MYO16: variants seen among roughly 807,000 people sequenced by gnomAD.
MYO16 encodes unconventional myosin-XVI.
A neutral mutation model predicts 205.3 loss-of-function variants in MYO16; 94 were observed. The observed-to-expected ratio is 0.46, with a 90% confidence interval of 0.39 to 0.54. MYO16 has a LOEUF of 0.54. MYO16 is among the 20% of genes least tolerant of loss of function. MYO16 has a pLI of 0.00. For synonymous variants in MYO16, 988 were observed against 954.0 expected, an observed-to-expected ratio of 1.04 and a Z score of -0.66; for missense variants, 2,315 against 2,387.5, an observed-to-expected ratio of 0.97 and a Z score of 0.63.
At chr13:108,644,608 A>G (rs1161454721) in intron 1 of MYO16, among the ~76,000 whole-genome samples, 1 of 152,370 alleles carries the variant, frequency 6.6e-6, no homozygotes. Flanking sequence ...TCAAGCTCCA[A>G]ATTTTAATTA....
At chr13:108,644,146 G>T (rs1880632109) in intron 1 of MYO16, among the ~76,000 whole-genome samples, 1 of 152,156 alleles carries the variant, frequency 6.6e-6, no homozygotes, top group Non-Finnish European at 1.5e-5. Flanking sequence ...GAGACGGGGA[G>T]AAATTCCTGA....
At position 108,844,419 on chromosome 13, in the gene MYO16, G is replaced by T. The variant is rs760195677; in HGVS notation, c.1174G>T (p.Gly392Cys). Residue 392 changes from glycine to cysteine, a missense_variant, in exon 10 of 35, where the codon GGT becomes TGT. Transcript: ENST00000457511. ...CATTATGTTCAAAGATGCAACAAAA[G>T]GTCTGTGTAAGCAGCAGTCTCAGGA... ...KDIMFKDATKGLCKQQSQDSI... is the reference protein window; with the variant it reads ...KDIMFKDATKCLCKQQSQDSI... 1 of 1,613,308 alleles carries T rather than the reference G, an allele frequency of 6.2e-7. No individual in the cohort carries two copies. Among genetic ancestry groups the T allele is most frequent in the Non-Finnish European group, 8.5e-7 (1 of 1,179,428 alleles).
At chr13:109,109,948 A>G (rs1889234306) in intron 28 of MYO16, among the ~76,000 whole-genome samples, 1 of 152,226 alleles carries the variant, frequency 6.6e-6, no homozygotes, top group Non-Finnish European at 1.5e-5. Context: ...ATAAAAAACC[A>G]TGGTATCATG....
intron 9 of MYO16, among the ~76,000 whole-genome samples, chr13:108,843,409 C>G (rs1393140856): frequency 6.6e-6 from 1 of 151,980 alleles, no homozygotes; most frequent in African/African-American, 2.4e-5. Context: ...GTTATTTTGC[C>G]TATGCAACTA....
At chr13:108,730,184 T>A (rs553764037) in intron 4 of MYO16, among the ~76,000 whole-genome samples, 4 of 152,218 alleles carry the variant, frequency 2.6e-5, no homozygotes, top group Non-Finnish European at 5.9e-5. Flanking sequence ...AGGCGTGGTT[T>A]CCCCCATGCT....
In MYO16 at chr13:109,150,251, A is replaced by G. The variant is rs150176574; in HGVS notation, c.5164+8875A>G. ...GCAAAAATCCATTCCTTTCTCAATTATGTGTACGTAGAAACCGACATCGGT... is the reference window on the plus strand; with the variant it reads ...GCAAAAATCCATTCCTTTCTCAATTGTGTGTACGTAGAAACCGACATCGGT... On this transcript the variant is annotated intron_variant, in intron 32 of 34. Transcript: ENST00000457511. Among the ~76,000 whole-genome samples the G allele has an allele frequency of 1.8e-4, 28 of 152,302 alleles. No homozygotes were observed. In the Middle Eastern group the frequency reaches 0.01, roughly 56 times the overall value.
At position 108,864,997 on chromosome 13, in the gene MYO16, T is replaced by A. The variant is rs189290312; in HGVS notation, c.1360-1180T>A. Among the ~76,000 whole-genome samples the A allele has an allele frequency of 3.9e-3, 590 of 152,156 alleles. 2 individuals are homozygous for A. Among genetic ancestry groups the A allele is most frequent in the African/African-American group, 0.012 (486 of 41,510 alleles). The stretch of plus-strand genomic sequence containing the variant: ...AACACCAGTATAATATTCTTTTTTT[T>A]AAAAAAAGGGAAAGCATTTATTCGG... On this transcript the variant is annotated intron_variant, in intron 11 of 34. Coordinates refer to ENST00000457511, the MANE Select transcript of MYO16 (RefSeq NM_001198950.3).
chr13:109,072,238 A>C (rs1261010266), intron 27 of MYO16, among the ~76,000 whole-genome samples: 1 of 152,146 alleles, frequency 6.6e-6, no homozygotes, highest in Non-Finnish European at 1.5e-5. Flanking sequence ...CGATGTTATA[A>C]AGTAACTTGG....
chr13:108,848,960 G>A (rs7982866), intron 10 of MYO16, among the ~76,000 whole-genome samples: 95,276 of 151,942 alleles, frequency 0.63, 30,458 homozygotes, highest in Middle Eastern at 0.67. Flanking sequence ...GCACATGTGT[G>A]CACGAGCACA....
intron 11 of MYO16, among the ~76,000 whole-genome samples, chr13:108,856,554 C>T (rs1427841855): frequency 6.6e-6 from 1 of 152,114 alleles, no homozygotes; most frequent in Non-Finnish European, 1.5e-5. Flanking sequence ...GAGCTGATTA[C>T]TTTGGTCTCT....
At chr13:109,139,688 G>A (rs1267303490) in intron 31 of MYO16, among the ~76,000 whole-genome samples, 3 of 142,908 alleles carry the variant, frequency 2.1e-5, no homozygotes, top group African/African-American at 7.4e-5. Context: ...TGAAAGGGTC[G>A]TAATAGATAG....
chr13:108,517,742 T>C, the MYO16 span, among the ~76,000 whole-genome samples: 1 of 152,232 alleles, frequency 6.6e-6, no homozygotes, highest in South Asian at 2.1e-4. Context: ...TTGTTTGTTA[T>C]TATTGTTTGC....
chr13:108,832,633 A>G (rs572396496), intron 9 of MYO16, among the ~76,000 whole-genome samples: 1 of 152,182 alleles, frequency 6.6e-6, no homozygotes, highest in Non-Finnish European at 1.5e-5. Flanking sequence ...TCGCAGAATC[A>G]GAAAACTGTG....
Position 109,171,007 on chromosome 13 carries a change from A to G in MYO16, c.5323+5948A>G, listed in dbSNP as rs374717428. The stretch of plus-strand genomic sequence containing the variant: ...GAAAATTATTTCAATTGGAAATTCA[A>G]TCTTTCAAAGCAACTTGACACATTT... On this transcript the variant is annotated intron_variant, in intron 33 of 34. Transcript: ENST00000457511. 8.5e-5 allele frequency among the ~76,000 whole-genome samples: 13 copies of G among 152,352 alleles called. No homozygotes were observed. In the South Asian group the frequency reaches 1.7e-3, roughly 19 times the overall value.
At chr13:108,584,112 C>T in the MYO16 span, among the ~76,000 whole-genome samples, 3 of 152,054 alleles carry the variant, frequency 2.0e-5, no homozygotes, top group Non-Finnish European at 2.9e-5. Context: ...CACCACCACG[C>T]CCAGCTAATT....
chr13:109,005,873 A>G (rs1885370727), intron 21 of MYO16, among the ~76,000 whole-genome samples: 4 of 152,182 alleles, frequency 2.6e-5, no homozygotes, highest in Admixed American at 2.6e-4. Flanking sequence ...CTACAATGTC[A>G]TAAATTTCCA....
chr13:108,911,062 C>CACACAT (rs1555311814), intron 16 of MYO16, among the ~76,000 whole-genome samples: 1 of 114,668 alleles, frequency 8.7e-6, no homozygotes, highest in African/African-American at 3.1e-5. Flanking sequence ...CACACACACA[C>CACACAT]ACACAGAGAG....
intron 1 of MYO16, among the ~76,000 whole-genome samples, chr13:108,640,341 A>ATGTAGAC (rs1880448369): frequency 6.6e-6 from 1 of 152,110 alleles, no homozygotes; most frequent in Non-Finnish European, 1.5e-5. Context: ...GCCATTAGTG[A>ATGTAGAC]TGTAGACGTA....
intron 12 of MYO16, among the ~76,000 whole-genome samples, chr13:108,869,624 G>A (rs1298405199): frequency 4.0e-5 from 6 of 149,360 alleles, no homozygotes; most frequent in African/African-American, 1.5e-4. Context: ...CCAGCTACTC[G>A]GGAGGCTGAG....
Sources: allele counts gnomAD v4.1 joint callset (sites outside exome capture counted in the v4.1 genomes callset), GRCh38; gene constraint gnomAD v4.1.1; transcripts MANE v1.5; gene names NCBI Gene and HGNC (gene_info 2026-07-23, HGNC 2026-07-21).